Variants in SEC11C observed in about 807,000 individuals in gnomAD.
SEC11C encodes the protein SEC11 homolog C, signal peptidase complex subunit.
Under a neutral mutation model 21.9 loss-of-function variants are expected in SEC11C, and 10 were observed. That is an observed-to-expected ratio of 0.46 (90% CI 0.28 to 0.77). SEC11C has a LOEUF of 0.77. Among genes scored for constraint, SEC11C ranks in the 30% least tolerant of loss-of-function variants. SEC11C has a pLI of 0.12. For synonymous variants in SEC11C, 83 were observed against 85.6 expected (o/e 0.97, Z 0.17); for missense variants, 145 against 244.5 (o/e 0.59, Z 2.71).
intron 3 of SEC11C, among the ~76,000 whole-genome samples, chr18:59,153,644 G>C (rs1212685241): frequency 6.6e-6 from 1 of 152,026 alleles, no homozygotes; most frequent in Non-Finnish European, 1.5e-5. Flanking sequence ...TCCGCCTCCC[G>C]GGTTCAAGCG....
chr18:59,156,891 G>A (rs1008240877), intron 4 of SEC11C: 4 of 152,194 alleles, frequency 2.6e-5, no homozygotes, highest in African/African-American at 9.7e-5. Context: ...AGTCCATCCT[G>A]TCTTTCCAGA....
At chr18:59,143,777 C>A (rs1019819049) in intron 1 of SEC11C, among the ~76,000 whole-genome samples, 1 of 152,160 alleles carries the variant, frequency 6.6e-6, no homozygotes, top group Non-Finnish European at 1.5e-5. Context: ...TTTCCTCCCC[C>A]AACCCAACCC....
rs558090857 is a variant in SEC11C at position 59,156,010 on chromosome 18, A to G, written c.467+203A>G. ...ATCTAAAACTGAACCCAATTATATT[A>G]TCTATATGATGGGTTCAAATCTGTT... On this transcript the variant is annotated intron_variant, in intron 4 of 5. Coordinates refer to ENST00000587834, the MANE Select transcript of SEC11C (RefSeq NM_033280.4). 1.8e-5 allele frequency: 9 copies of G among 503,166 alleles called. No individual in the cohort carries two copies. In the South Asian group the frequency reaches 1.9e-4, roughly 11 times the overall value. 31.2% of individuals were successfully genotyped at this position (503,166 alleles called of 1,614,324 possible).
intron 1 of SEC11C, 39 bp from the exon 2 acceptor site, chr18:59,149,474 C>T (rs1451769827): frequency 1.5e-6 from 2 of 1,331,540 alleles, no homozygotes; most frequent in Middle Eastern, 1.8e-4. Flanking sequence ...GGATCTTCTG[C>T]TATTGGTTTT....
chr18:59,143,405 A>G (rs1399373680), intron 1 of SEC11C, among the ~76,000 whole-genome samples: 1 of 150,956 alleles, frequency 6.6e-6, no homozygotes, highest in Non-Finnish European at 1.5e-5. Flanking sequence ...AATTATATTT[A>G]TTTTCCTATT....
intron 2 of SEC11C, 51 bp downstream of exon 2, chr18:59,149,673 C>A: frequency 8.1e-7 from 1 of 1,239,238 alleles, no homozygotes; most frequent in Non-Finnish European, 1.2e-6. Flanking sequence ...ACAAGGCTGC[C>A]TTGGGCCTGA....
rs368023449 is a variant in SEC11C at position 59,157,450 on chromosome 18, G to A, written c.468-158G>A. ...AGTGCTGATGCTCCTTACTAATAAA[G>A]CTGTTTGAGACAGGGCTGAATACAT... On this transcript the variant is annotated intron_variant, in intron 4 of 5. Transcript: ENST00000587834. The A allele has an allele frequency of 7.4e-4, 428 of 581,272 alleles. 1 individual carries two copies. Among genetic ancestry groups the A allele is most frequent in the African/African-American group, 7.0e-3 (363 of 51,946 alleles). 36.0% of individuals were successfully genotyped at this position (581,272 alleles called of 1,614,324 possible).
intron 5 of SEC11C, among the ~76,000 whole-genome samples, chr18:59,158,333 G>A (rs1384441149): frequency 6.6e-6 from 1 of 152,036 alleles, no homozygotes; most frequent in East Asian, 2.0e-4. Flanking sequence ...TGGGATTACA[G>A]GCGTGTATCC....
intron 1 of SEC11C, among the ~76,000 whole-genome samples, chr18:59,146,661 T>A (rs1272997325): frequency 6.6e-6 from 1 of 152,130 alleles, no homozygotes; most frequent in Non-Finnish European, 1.5e-5. Flanking sequence ...GGTTGAGGAC[T>A]GAATATAGAT....
At chr18:59,156,826 T>C (rs2069423280) in intron 4 of SEC11C, 2 of 152,248 alleles carry the variant, frequency 1.3e-5, no homozygotes, top group Admixed American at 1.3e-4. Flanking sequence ...TAACCATTTT[T>C]CTTTGTTGCA....
At position 59,140,086 on chromosome 18, in the gene SEC11C, C is replaced by T. The variant is rs548093289; in HGVS notation, c.87+51C>T. 3.2e-5 allele frequency: 47 copies of T among 1,457,934 alleles called. No individual in the cohort carries two copies. In the East Asian group the frequency reaches 5.2e-4, roughly 16 times the overall value. 90.3% of individuals were successfully genotyped at this position (1,457,934 alleles called of 1,614,324 possible). On this transcript the variant is annotated intron_variant, in intron 1 of 5. Coordinates refer to ENST00000587834, the MANE Select transcript of SEC11C (RefSeq NM_033280.4). ...CCGTGGCCGGGACCGCCTGTGCTAGCGGGGAGTCGGGGCTTCCCAGTCAGG... is the reference window on the plus strand; with the variant it reads ...CCGTGGCCGGGACCGCCTGTGCTAGTGGGGAGTCGGGGCTTCCCAGTCAGG...
intron 1 of SEC11C, chr18:59,146,929 G>T (rs1290881059): frequency 6.6e-6 from 1 of 152,234 alleles, no homozygotes; most frequent in Non-Finnish European, 1.5e-5. Flanking sequence ...GTGCAGCCAA[G>T]GTTGAGAACC....
intron 4 of SEC11C, 151 bp downstream of exon 4, chr18:59,155,958 C>A (rs2069413499): frequency 1.2e-6 from 1 of 852,362 alleles, no homozygotes. Flanking sequence ...AGACTAAATA[C>A]AACTTAGAAA....
chr18:59,155,760 A>T lies in SEC11C; in HGVS notation c.420A>T (p.Glu140Asp). 1 of 1,614,132 alleles carries T rather than the reference A, an allele frequency of 6.2e-7. No homozygotes were observed. The change falls in exon 4 of 6, where the codon GAA (glutamate) becomes GAT (aspartate). Residue 140 changes from glutamate to aspartate, a missense_variant. Coordinates refer to ENST00000587834, the MANE Select transcript of SEC11C (RefSeq NM_033280.4). Reference protein sequence around the residue: ...NEVDDRGLYKEGQNWLEKKDV... With the variant: ...NEVDDRGLYKDGQNWLEKKDV... ...TTGATGATAGAGGCTTGTACAAAGA[A>T]GGCCAGAACTGGCTGGAAAAGAAGG...
At chr18:59,157,091 T>C (rs534374069) in intron 4 of SEC11C, 1 of 153,204 alleles carries the variant, frequency 6.5e-6, no homozygotes, top group African/African-American at 2.4e-5. Context: ...TGAACCTCCT[T>C]GCTCTGGGAT....
At position 59,149,647 on chromosome 18, in the gene SEC11C, G is replaced by A. The variant is rs757718463; in HGVS notation, c.197+25G>A. On this transcript the variant is annotated intron_variant, in intron 2 of 5. Transcript: ENST00000587834. ...GGTAGGTCCCCCAGGCTGGCCTCCA[G>A]CCTCCAACCTCCATCACAAGGCTGC... 15 of 1,490,398 alleles carry A rather than the reference G, an allele frequency of 1.0e-5. No individual in the cohort carries two copies. In the Admixed American group the frequency reaches 2.3e-4, roughly 23 times the overall value. The allele number at this position is 1,490,398 out of a possible 1,614,324, so 92.3% of individuals were successfully genotyped here. A position where few individuals can be genotyped will look rare whatever the true frequency, so the allele number is the denominator to read the frequency against.
At chr18:59,155,542 C>A in intron 3 of SEC11C, 146 bp from the exon 4 acceptor site, 1 of 702,846 alleles carries the variant, frequency 1.4e-6, no homozygotes, top group Non-Finnish European at 2.3e-6. Context: ...CTTAAGCAGT[C>A]ATCTTAGACT....
At chr18:59,146,552 G>A (rs1260182396) in intron 1 of SEC11C, among the ~76,000 whole-genome samples, 3 of 152,128 alleles carry the variant, frequency 2.0e-5, no homozygotes, top group African/African-American at 7.2e-5. Context: ...CTGAGGGTTC[G>A]AAGAAATGAT....
At chr18:59,143,862 T>TTTTTCTTTTTC (rs2069240400) in intron 1 of SEC11C, among the ~76,000 whole-genome samples, 7 of 151,810 alleles carry the variant, frequency 4.6e-5, no homozygotes, top group Non-Finnish European at 8.8e-5. Flanking sequence ...TTTCTTTTTT[T>TTTTTCTTTTTC]TTTTTTTGAG....
Sources: allele counts gnomAD v4.1 joint callset (sites outside exome capture counted in the v4.1 genomes callset), GRCh38; gene constraint gnomAD v4.1.1; transcripts MANE v1.5; gene names NCBI Gene and HGNC (gene_info 2026-07-23, HGNC 2026-07-21).